The following CAMTA1 variants were observed in gnomAD, a reference collection of about 807,000 sequenced individuals.
CAMTA1 encodes calmodulin-binding transcription activator 1.
Under a neutral mutation model 170.9 loss-of-function variants are expected in CAMTA1, and 27 were observed. That is an observed-to-expected ratio of 0.16 (90% CI 0.12 to 0.22). The LOEUF (loss-of-function observed/expected upper bound fraction) is 0.22. Among genes scored for constraint, CAMTA1 ranks in the 10% least tolerant of loss-of-function variants. The pLI, the probability that CAMTA1 is intolerant of heterozygous loss-of-function variation, is 1.00. For missense variants in CAMTA1, 1,619 were observed against 2,217.2 expected, an observed-to-expected ratio of 0.73 and a Z score of 5.42; for synonymous variants, 833 against 891.5, an observed-to-expected ratio of 0.93 and a Z score of 1.17.
At chr1:7,423,146 C>T (rs2091671616) in intron 5 of CAMTA1, among the ~76,000 whole-genome samples, 1 of 152,174 alleles carries the variant, frequency 6.6e-6, no homozygotes, top group South Asian at 2.1e-4. Flanking sequence ...GGGGGCCTGG[C>T]CCCGGGCCAA....
chr1:6,844,971 A>G (rs772836705), intron 3 of CAMTA1, among the ~76,000 whole-genome samples: 1 of 152,154 alleles, frequency 6.6e-6, no homozygotes, highest in Admixed American at 6.6e-5. Context: ...TTTTATAGCA[A>G]TAAGATATTT....
intron 6 of CAMTA1, among the ~76,000 whole-genome samples, chr1:7,574,774 TG>T (rs536989863): frequency 1.4e-4 from 21 of 152,266 alleles, no homozygotes; most frequent in African/African-American, 4.1e-4. Context: ...GGTGTCAGGC[TG>T]GCTGAGATGG....
intron 6 of CAMTA1, among the ~76,000 whole-genome samples, chr1:7,525,789 G>T (rs868586270): frequency 6.6e-6 from 1 of 152,110 alleles, no homozygotes; most frequent in Non-Finnish European, 1.5e-5. Flanking sequence ...CTCCTTCCAC[G>T]AGCATCTACT....
chr1:7,398,191 C>CA (rs2089555361), intron 5 of CAMTA1, among the ~76,000 whole-genome samples: 1 of 26,906 alleles, frequency 3.7e-5, no homozygotes, highest in Non-Finnish European at 6.5e-5. Context: ...CTCTCTCTCT[C>CA]TCTATATATA....
chr1:7,761,343 G>A (rs892605864), intron 22 of CAMTA1, among the ~76,000 whole-genome samples: 3 of 152,188 alleles, frequency 2.0e-5, no homozygotes, highest in Non-Finnish European at 4.4e-5. Context: ...TGTAGCTTCT[G>A]TCCTGCATTG....
At chr1:7,353,965 T>A (rs1034963142) in intron 5 of CAMTA1, among the ~76,000 whole-genome samples, 1 of 152,070 alleles carries the variant, frequency 6.6e-6, no homozygotes, top group Non-Finnish European at 1.5e-5. Flanking sequence ...TGTGACCGTG[T>A]GTACTCAGTG....
In CAMTA1 at chr1:7,216,110, A is replaced by G. The variant is rs1464688511; in HGVS notation, c.303-33381A>G. On this transcript the variant is annotated intron_variant, in intron 4 of 22. Coordinates refer to ENST00000303635, the MANE Select transcript of CAMTA1 (RefSeq NM_015215.4). This position sits in a 1 kb window ranked among gnomAD's most constrained non-coding sequence, Gnocchi z 4.0. Reference sequence around the variant, plus strand: ...AAACTTACAATCATGGCAGAAGGCGAAGGGGAAGCCCGCGTGTCCTGCGTG... The same window carrying G: ...AAACTTACAATCATGGCAGAAGGCGGAGGGGAAGCCCGCGTGTCCTGCGTG... 2.0e-5 allele frequency among the ~76,000 whole-genome samples: 3 copies of G among 152,200 alleles called. No homozygotes were observed. Among genetic ancestry groups the G allele is most frequent in the African/African-American group, 7.2e-5 (3 of 41,458 alleles).
intron 5 of CAMTA1, among the ~76,000 whole-genome samples, chr1:7,376,010 C>G (rs975466719): frequency 2.0e-5 from 3 of 152,182 alleles, no homozygotes; most frequent in Non-Finnish European, 2.9e-5. Context: ...GCTGCCTCAC[C>G]AGCTCGCTTC....
intron 4 of CAMTA1, among the ~76,000 whole-genome samples, chr1:7,166,362 G>A (rs115237813): frequency 0.013 from 2,040 of 152,230 alleles, 49 homozygotes; most frequent in African/African-American, 0.046. Context: ...CACCGCGTCC[G>A]GCCTACTTGG....
At position 7,670,779 on chromosome 1, in the gene CAMTA1, A is replaced by T. The variant is rs1442201400; in HGVS notation, c.2653-132A>T. 10 of 979,744 alleles carry T rather than the reference A, an allele frequency of 1.0e-5. No individual in the cohort carries two copies. In the African/African-American group the frequency reaches 1.3e-4, roughly 13 times the overall value. 60.7% of individuals were successfully genotyped at this position (979,744 alleles called of 1,614,324 possible). A position where few individuals can be genotyped will look rare whatever the true frequency, so the allele number is the denominator to read the frequency against. On this transcript the variant is annotated intron_variant, in intron 9 of 22. Coordinates refer to ENST00000303635, the MANE Select transcript of CAMTA1 (RefSeq NM_015215.4). Reference sequence around the variant, plus strand: ...GGGGCTCACTGCAATCCCTGGAGTGAGGGCCTGGGAATCTGCATGGGGCGA... The same window carrying T: ...GGGGCTCACTGCAATCCCTGGAGTGTGGGCCTGGGAATCTGCATGGGGCGA...
In CAMTA1 at chr1:7,546,348, G is replaced by A. The variant is rs534982297; in HGVS notation, c.510+78447G>A. On this transcript the variant is annotated intron_variant, in intron 6 of 22. Coordinates refer to ENST00000303635, the MANE Select transcript of CAMTA1 (RefSeq NM_015215.4). ...GTACATGTTCTCATTCCTTTTTATGGCTGTATAGTATTCAATGGTGTATAT... is the reference window on the plus strand; with the variant it reads ...GTACATGTTCTCATTCCTTTTTATGACTGTATAGTATTCAATGGTGTATAT... Among the ~76,000 whole-genome samples, 5 of 152,198 alleles carry A rather than the reference G, an allele frequency of 3.3e-5. No individual in the cohort carries two copies. In the East Asian group the frequency reaches 9.6e-4, roughly 29 times the overall value.
intron 11 of CAMTA1, among the ~76,000 whole-genome samples, chr1:7,704,383 G>A (rs2096481362): frequency 6.8e-6 from 1 of 146,322 alleles, no homozygotes; most frequent in Admixed American, 6.8e-5. Flanking sequence ...CGGCCTCGAG[G>A]GAACCGTCGC....
At chr1:6,826,435 G>T (rs1212205314) in intron 3 of CAMTA1, among the ~76,000 whole-genome samples, 2 of 152,164 alleles carry the variant, frequency 1.3e-5, no homozygotes, top group East Asian at 3.8e-4. Flanking sequence ...TTTTAGACGT[G>T]AAAATGAAGT....
At chr1:6,823,175 A>G (rs917756366) in intron 2 of CAMTA1, among the ~76,000 whole-genome samples, 2 of 152,154 alleles carry the variant, frequency 1.3e-5, no homozygotes, top group Admixed American at 1.3e-4. Flanking sequence ...TGGAAATAAA[A>G]GTACTTTAGG....
chr1:6,799,069 A>C (rs978667931), intron 1 of CAMTA1, among the ~76,000 whole-genome samples: 2 of 151,826 alleles, frequency 1.3e-5, no homozygotes, highest in Non-Finnish European at 2.9e-5. Flanking sequence ...TTCGTTACTT[A>C]TTATTAATTA....
rs191466320 is a variant in CAMTA1 at position 7,264,774 on chromosome 1, G to A, written c.438+15148G>A. Among the ~76,000 whole-genome samples, 650 of 152,200 alleles carry A rather than the reference G, an allele frequency of 4.3e-3. 10 individuals carry two copies. Among genetic ancestry groups the A allele is most frequent in the Admixed American group, 0.034 (518 of 15,296 alleles). On this transcript the variant is annotated intron_variant, in intron 5 of 22. Coordinates refer to ENST00000303635, the MANE Select transcript of CAMTA1 (RefSeq NM_015215.4). ...TGGATCTGAAAGGGGAAAAAATATC[G>A]CAGACTTCAGTTCAGTGTAATTTTC... is the stretch of plus-strand genomic sequence containing the variant.
At chr1:6,785,878 G>T (rs1388634171) in intron 1 of CAMTA1, among the ~76,000 whole-genome samples, 1 of 147,918 alleles carries the variant, frequency 6.8e-6, no homozygotes, top group Non-Finnish European at 1.5e-5. Context: ...AGGAGGAGCC[G>T]GCGGAGGGCC....
chr1:7,684,434 G>A (rs2096241353), intron 11 of CAMTA1, among the ~76,000 whole-genome samples: 1 of 152,204 alleles, frequency 6.6e-6, no homozygotes, highest in African/African-American at 2.4e-5. Flanking sequence ...TCTCACGGCT[G>A]TGGAGACTGG....
chr1:6,843,360 AAGAC>A (rs1022159541), intron 3 of CAMTA1, among the ~76,000 whole-genome samples: 8 of 152,172 alleles, frequency 5.3e-5, no homozygotes, highest in African/African-American at 1.9e-4. Context: ...CCAATTTGGA[AAGAC>A]AGTATTTTAC....
Sources: gnomAD v4.1 joint callset for allele counts (sites outside exome capture counted in the v4.1 genomes callset) on GRCh38, gnomAD v4.1.1 for gene constraint, Gnocchi (gnomAD v3.1) non-coding constraint, MANE v1.5 for transcripts, NCBI Gene and HGNC (gene_info 2026-07-23, HGNC 2026-07-21) for gene names.